The following SYN3 variants were observed in gnomAD, a reference collection of about 807,000 sequenced individuals.
The protein encoded by SYN3 is synapsin III.
Under a neutral mutation model 65.8 loss-of-function variants are expected in SYN3, and 35 were observed. The ratio of observed to expected loss-of-function variants is 0.53; its 90% confidence interval spans 0.41 to 0.70. The LOEUF is 0.70. Ranked by LOEUF, SYN3 falls within the 30% of genes least tolerant of loss-of-function variation. The pLI is 0.00. For missense variants in SYN3, 680 were observed against 749.0 expected (o/e 0.91, Z 1.08); for synonymous variants, 270 against 292.9 (o/e 0.92, Z 0.80).
chr22:32,525,415 T>C (rs931203543), intron 12 of SYN3, among the ~76,000 whole-genome samples: 7 of 151,928 alleles, frequency 4.6e-5, no homozygotes, highest in Admixed American at 2.0e-4. Context: ...CTGATAAAGA[T>C]GCTATGAAGG....
chr22:32,859,796 T>C (rs1024184908), intron 6 of SYN3: 2 of 220,220 alleles, frequency 9.1e-6, no homozygotes, highest in Non-Finnish European at 1.8e-5. Context: ...TCTCCTCCAA[T>C]ACATAAAGGA....
At chr22:32,767,479 T>C (rs1252333377) in intron 6 of SYN3, among the ~76,000 whole-genome samples, 1 of 152,210 alleles carries the variant, frequency 6.6e-6, no homozygotes, top group Non-Finnish European at 1.5e-5. Context: ...TTTCATTTGA[T>C]TGGAATACAT....
intron 6 of SYN3, among the ~76,000 whole-genome samples, chr22:32,782,459 C>G (rs543817239): frequency 2.0e-5 from 3 of 151,952 alleles, no homozygotes. Flanking sequence ...ACCTTGGCCT[C>G]CCAAGGTGTT....
chr22:32,998,569 C>T (rs557749233), intron 2 of SYN3, among the ~76,000 whole-genome samples: 3 of 152,068 alleles, frequency 2.0e-5, no homozygotes, highest in South Asian at 2.1e-4. Flanking sequence ...CAGGGAGGAC[C>T]GCAGTGACCT....
chr22:32,913,947 C>T (rs1356262704), intron 4 of SYN3, among the ~76,000 whole-genome samples: 1 of 152,200 alleles, frequency 6.6e-6, no homozygotes, highest in Non-Finnish European at 1.5e-5. Context: ...TGATGAAAAT[C>T]GACAATAATC....
chr22:32,713,752 AC>A (rs2060997821), intron 6 of SYN3, among the ~76,000 whole-genome samples: 1 of 150,822 alleles, frequency 6.6e-6, no homozygotes, highest in Non-Finnish European at 1.5e-5. Context: ...AATGGCGTGA[AC>A]CCGGGAGGCA....
At chr22:32,894,076 T>C (rs762985409) in intron 4 of SYN3, among the ~76,000 whole-genome samples, 1 of 152,188 alleles carries the variant, frequency 6.6e-6, no homozygotes, top group Non-Finnish European at 1.5e-5. Flanking sequence ...GGGACCCTGT[T>C]ACTGGCCTAC....
intron 3 of SYN3, among the ~76,000 whole-genome samples, chr22:32,945,255 A>T (rs2051070395): frequency 6.6e-6 from 1 of 152,250 alleles, no homozygotes; most frequent in African/African-American, 2.4e-5. Flanking sequence ...GCGAAAGAAC[A>T]AAACTGGAGG....
intron 7 of SYN3, among the ~76,000 whole-genome samples, chr22:32,564,199 G>C (rs533714980): frequency 2.0e-5 from 3 of 152,292 alleles, no homozygotes; most frequent in Non-Finnish European, 4.4e-5. Context: ...GTGGCTGTGA[G>C]GGCCCAAAGG....
At chr22:32,855,692 C>T (rs956518096) in intron 6 of SYN3, among the ~76,000 whole-genome samples, 2 of 152,170 alleles carry the variant, frequency 1.3e-5, no homozygotes, top group African/African-American at 4.8e-5. Context: ...GTTCTGGGGG[C>T]TGTCCTGAGT....
At chr22:32,981,308 G>A (rs1009481019) in intron 2 of SYN3, among the ~76,000 whole-genome samples, 5 of 151,012 alleles carry the variant, frequency 3.3e-5, no homozygotes, top group African/African-American at 9.7e-5. Flanking sequence ...GCTACAGGCC[G>A]GGCGCTGTGG....
rs534489180 is a variant in SYN3, at chr22:32,763,680, T to G, written c.711+101235A>C. On this transcript the variant is annotated intron_variant, in intron 6 of 13. Coordinates refer to ENST00000358763, the MANE Select transcript of SYN3 (RefSeq NM_003490.4). ...GGAGAGTGTCTGGAGTGACTGGGAG[T>G]CTGACAGGTGAAGCCAATGGAGGAT... is the stretch of plus-strand genomic sequence containing the variant. Among the ~76,000 whole-genome samples, 3 of 151,972 alleles carry G rather than the reference T, an allele frequency of 2.0e-5. No homozygotes were observed. The East Asian group carries it at 5.8e-4, about 29-fold the overall frequency.
chr22:32,650,808 TA>T (rs2060059108), intron 6 of SYN3, among the ~76,000 whole-genome samples: 2 of 152,206 alleles, frequency 1.3e-5, no homozygotes, highest in African/African-American at 2.4e-5. Context: ...TTAAATGAGA[TA>T]ATGCATGCCA....
chr22:32,657,156 C>T (rs2060153035), intron 6 of SYN3, among the ~76,000 whole-genome samples: 1 of 150,198 alleles, frequency 6.7e-6, no homozygotes, highest in Non-Finnish European at 1.5e-5. Flanking sequence ...CGGAGTCTTG[C>T]TCTGTCACCC....
At chr22:32,875,906 C>T (rs2146385710) in intron 4 of SYN3, among the ~76,000 whole-genome samples, 1 of 152,268 alleles carries the variant, frequency 6.6e-6, no homozygotes, top group Admixed American at 6.5e-5. Context: ...GTTATAGCAG[C>T]CTCAGGAAAC....
At chr22:32,876,353 G>A (rs552710579) in intron 4 of SYN3, among the ~76,000 whole-genome samples, 130 of 152,148 alleles carry the variant, frequency 8.5e-4, no homozygotes, top group African/African-American at 3.1e-3. Context: ...AATTTTGGGG[G>A]GACACACATA....
intron 6 of SYN3, among the ~76,000 whole-genome samples, chr22:32,808,524 C>T (rs2046826752): frequency 6.6e-6 from 1 of 152,162 alleles, no homozygotes; most frequent in Non-Finnish European, 1.5e-5. Flanking sequence ...TCAGTGGACT[C>T]TTAGGATAAA....
chr22:32,623,865 T>C (rs2146767446), intron 6 of SYN3, among the ~76,000 whole-genome samples: 1 of 152,106 alleles, frequency 6.6e-6, no homozygotes, highest in East Asian at 1.9e-4. Context: ...TGCCGAGGTG[T>C]CCCCTCCCAC....
chr22:32,989,115 A>G (rs1210848002), intron 2 of SYN3, among the ~76,000 whole-genome samples: 2 of 152,214 alleles, frequency 1.3e-5, no homozygotes, highest in Non-Finnish European at 2.9e-5. Flanking sequence ...TGATCTCCCC[A>G]GGTAAGGAAG....
Sources: gnomAD v4.1 joint callset for allele counts (sites outside exome capture counted in the v4.1 genomes callset) on GRCh38, gnomAD v4.1.1 for gene constraint, MANE v1.5 for transcripts, NCBI Gene and HGNC (gene_info 2026-07-23, HGNC 2026-07-21) for gene names.